SRPK2: variants seen among roughly 807,000 people sequenced by gnomAD.
SRPK2 encodes the protein SFRS protein kinase 2.
In SRPK2, 21 loss-of-function variants were observed where a neutral mutation model predicts 90.8. The observed-to-expected ratio is 0.23, with a 90% confidence interval of 0.16 to 0.33. The LOEUF (loss-of-function observed/expected upper bound fraction) is 0.33. Among genes scored for constraint, SRPK2 ranks in the 10% least tolerant of loss-of-function variants. The pLI is 1.00. For synonymous variants in SRPK2, 288 were observed against 311.1 expected, an observed-to-expected ratio of 0.93 and a Z score of 0.78; for missense variants, 620 against 869.0, an observed-to-expected ratio of 0.71 and a Z score of 3.60.
chr7:105,242,372 G>C (rs1410307113), intron 2 of SRPK2, among the ~76,000 whole-genome samples: 10 of 151,986 alleles, frequency 6.6e-5, no homozygotes, highest in Admixed American at 6.6e-4. Context: ...GTTATCCGGG[G>C]GTGGTGGTGC....
intron 15 of SRPK2, 33 bp downstream of exon 15, chr7:105,126,215 A>C: frequency 6.6e-7 from 1 of 1,511,568 alleles, no homozygotes; most frequent in East Asian, 2.3e-5. Context: ...TTCTGTCTGC[A>C]TCGTGGCGCT....
intron 2 of SRPK2, among the ~76,000 whole-genome samples, 194 bp downstream of exon 2, chr7:105,388,454 G>A (rs1040682367): frequency 6.8e-6 from 1 of 147,368 alleles, no homozygotes; most frequent in African/African-American, 2.4e-5. Flanking sequence ...GGAACCGGCC[G>A]CGGCCCGCGC....
chr7:105,276,574 A>G (rs1157830650), intron 2 of SRPK2, among the ~76,000 whole-genome samples: 1 of 139,888 alleles, frequency 7.1e-6, no homozygotes, highest in Non-Finnish European at 1.6e-5. Context: ...TTCATCTCTT[A>G]AAAAAAAAAA....
chr7:105,227,029 G>A (rs990912980), intron 2 of SRPK2, among the ~76,000 whole-genome samples: 5 of 152,050 alleles, frequency 3.3e-5, no homozygotes, highest in African/African-American at 7.2e-5. Context: ...ACCCTCTAGC[G>A]CTTGTGTGTC....
chr7:105,236,832 A>C (rs1167328647), intron 2 of SRPK2, among the ~76,000 whole-genome samples: 1 of 152,222 alleles, frequency 6.6e-6, no homozygotes, highest in Non-Finnish European at 1.5e-5. Context: ...GATTTTCATT[A>C]AAAAACTAAA....
At chr7:105,389,436 G>A, upstream of SRPK2, 1 of 1,194,798 alleles carries the variant, frequency 8.4e-7, no homozygotes, top group African/African-American at 1.6e-5. Flanking sequence ...GGAAACCTGG[G>A]TCCGCGATTA....
intron 1 of SRPK2, among the ~76,000 whole-genome samples, chr7:105,397,332 T>C (rs939518535): frequency 1.4e-5 from 2 of 138,188 alleles, no homozygotes; most frequent in Non-Finnish European, 3.2e-5. Context: ...AGTGACTTTC[T>C]TTTTTTTTTT....
intron 2 of SRPK2, among the ~76,000 whole-genome samples, chr7:105,292,528 A>G (rs1446626168): frequency 6.8e-6 from 1 of 147,344 alleles, no homozygotes; most frequent in Non-Finnish European, 1.5e-5. Context: ...AAAAAAGAGC[A>G]TAATATAAAG....
At chr7:105,121,092 A>C (rs1800280942) in intron 15 of SRPK2, among the ~76,000 whole-genome samples, 1 of 152,212 alleles carries the variant, frequency 6.6e-6, no homozygotes, top group Non-Finnish European at 1.5e-5. Flanking sequence ...TCATGACTGT[A>C]ATTCCAGCAC....
At chr7:105,157,720 A>G (rs1806732998) in intron 7 of SRPK2, among the ~76,000 whole-genome samples, 1 of 152,190 alleles carries the variant, frequency 6.6e-6, no homozygotes, top group Non-Finnish European at 1.5e-5. Flanking sequence ...AACTAAAGAA[A>G]TAATATAAGA....
At chr7:105,346,837 C>G (rs7805639) in intron 2 of SRPK2, among the ~76,000 whole-genome samples, 64,540 of 146,424 alleles carry the variant, frequency 0.44, 15,517 homozygotes, top group Non-Finnish European at 0.54. Flanking sequence ...AGCTTCCAGT[C>G]TTTGCTGCTT....
chr7:105,352,062 G>A (rs1429522237), intron 2 of SRPK2, among the ~76,000 whole-genome samples: 1 of 152,172 alleles, frequency 6.6e-6, no homozygotes, highest in East Asian at 1.9e-4. Flanking sequence ...GATTCAGGAA[G>A]GATGAATCAT....
chr7:105,249,286 C>T (rs1012679425), intron 2 of SRPK2, among the ~76,000 whole-genome samples: 63 of 152,190 alleles, frequency 4.1e-4, no homozygotes, highest in African/African-American at 1.5e-3. Flanking sequence ...TTAAGTCATA[C>T]ACTTACTGGT....
At chr7:105,187,765 C>T (rs1793776400) in intron 3 of SRPK2, among the ~76,000 whole-genome samples, 1 of 151,930 alleles carries the variant, frequency 6.6e-6, no homozygotes, top group South Asian at 2.1e-4. Flanking sequence ...GGTGAATATG[C>T]GTGGTGTAGT....
At chr7:105,391,925 T>G (rs755223906), upstream of SRPK2, among the ~76,000 whole-genome samples, 14 of 152,144 alleles carry the variant, frequency 9.2e-5, no homozygotes, top group Non-Finnish European at 1.3e-4. Flanking sequence ...AGCAGCGCTA[T>G]CACAGCCAAA....
At chr7:105,140,269 C>A (rs1209910744) in intron 11 of SRPK2, among the ~76,000 whole-genome samples, 1 of 152,114 alleles carries the variant, frequency 6.6e-6, no homozygotes, top group Non-Finnish European at 1.5e-5. Context: ...GAAGCCACTG[C>A]AGCCCAAGCT....
chr7:105,365,026 G>A (rs1818865302), intron 2 of SRPK2, among the ~76,000 whole-genome samples: 1 of 152,198 alleles, frequency 6.6e-6, no homozygotes, highest in African/African-American at 2.4e-5. Flanking sequence ...GACAAGGGCA[G>A]TCCTGATCAT....
intron 2 of SRPK2, among the ~76,000 whole-genome samples, chr7:105,384,357 C>T (rs565370668): frequency 2.8e-4 from 43 of 152,274 alleles, no homozygotes; most frequent in Non-Finnish European, 4.9e-4. Context: ...TTTTGACCCA[C>T]TAAATAATCT....
intron 1 of SRPK2, among the ~76,000 whole-genome samples, chr7:105,394,397 T>A (rs1446704732): frequency 6.6e-6 from 1 of 152,162 alleles, no homozygotes; most frequent in Non-Finnish European, 1.5e-5. Context: ...CGCCTCGGCC[T>A]CTCAAAGTGC....
Sources: allele counts gnomAD v4.1 joint callset (sites outside exome capture counted in the v4.1 genomes callset), GRCh38; gene constraint gnomAD v4.1.1; transcripts MANE v1.5; gene names NCBI Gene and HGNC (gene_info 2026-07-23, HGNC 2026-07-21).